Variants in AR observed in about 807,000 individuals in gnomAD.
AR encodes the protein androgen receptor.
Under a neutral mutation model 53.9 loss-of-function variants are expected in AR, and 8 were observed. The ratio of observed to expected loss-of-function variants is 0.15; its 90% CI spans 0.09 to 0.27. The LOEUF (loss-of-function observed/expected upper bound fraction) is 0.27, where lower values mean the gene tolerates loss of function less well. Ranked by LOEUF, AR falls within the 10% of genes least tolerant of loss-of-function variation. AR has a pLI of 1.00. For synonymous variants in AR, 359 were observed against 316.4 expected, an observed-to-expected ratio of 1.13 and a Z score of -1.43; for missense variants, 639 against 742.5, an observed-to-expected ratio of 0.86 and a Z score of 1.62.
intron 1 of AR, among the ~76,000 whole-genome samples, chrX:67,618,006 T>C (rs1275459664): frequency 1.8e-5 from 2 of 112,363 alleles, no homozygotes; most frequent in African/African-American, 6.5e-5. Flanking sequence ...TATCTGTGTT[T>C]ATCTAACGAC....
intron 1 of AR, among the ~76,000 whole-genome samples, chrX:67,577,026 G>A (rs1315328577): frequency 1.3e-5 from 1 of 79,667 alleles, no homozygotes; most frequent in Non-Finnish European, 2.4e-5. Context: ...TTTTTTGGAT[G>A]CTCAGAGTTG....
intron 3 of AR, chrX:67,695,346 A>T: frequency 2.7e-6 from 2 of 754,232 alleles, no homozygotes; most frequent in South Asian, 1.4e-4. Flanking sequence ...GTAAACAAGG[A>T]CCAGATTTCT....
intron 1 of AR, among the ~76,000 whole-genome samples, chrX:67,593,630 G>T (rs932450599): frequency 8.9e-6 from 1 of 111,889 alleles, no homozygotes; most frequent in South Asian, 3.7e-4. Flanking sequence ...GATTACAGGC[G>T]TGTGCCAGTA....
rs1343055738 is a variant in AR at position 67,713,754 on chromosome X, T to C, written c.2173+2065T>C. On this transcript the variant is annotated intron_variant, in intron 4 of 7. Coordinates refer to ENST00000374690, the MANE Select transcript of AR (RefSeq NM_000044.6). Reference sequence around the variant, plus strand: ...CAGAATTTGTATGACTTGGGATCACTGGGGCTTTCCTTGGCCCAACCACCA... The same window carrying C: ...CAGAATTTGTATGACTTGGGATCACCGGGGCTTTCCTTGGCCCAACCACCA... Among the ~76,000 whole-genome samples the C allele has an allele frequency of 6.3e-5, 7 of 111,901 alleles. No homozygotes were observed. The Admixed American group carries it at 6.6e-4, about 11-fold the overall frequency.
intron 1 of AR, among the ~76,000 whole-genome samples, chrX:67,560,424 A>G (rs957218733): frequency 9.0e-6 from 1 of 111,617 alleles, no homozygotes; most frequent in Middle Eastern, 4.7e-3. Flanking sequence ...TTTAGCTCCA[A>G]TCTTGTCTGT....
At chrX:67,615,978 T>A (rs1189161344) in intron 1 of AR, among the ~76,000 whole-genome samples, 1 of 111,204 alleles carries the variant, frequency 9.0e-6, no homozygotes, top group East Asian at 2.8e-4. Flanking sequence ...ATAGACAAAT[T>A]ATCTACAACA....
intron 1 of AR, among the ~76,000 whole-genome samples, chrX:67,639,243 G>C (rs1925617367): frequency 8.9e-6 from 1 of 111,925 alleles, no homozygotes; most frequent in African/African-American, 3.2e-5. Context: ...TTTGAAGTCA[G>C]GTAGCATGAT....
intron 3 of AR, chrX:67,694,958 A>T: frequency 1.0e-6 from 1 of 1,002,814 alleles, no homozygotes. Context: ...AGTGGTTACC[A>T]TTCATGTAGT....
At chrX:67,576,539 A>G (rs1441178581) in intron 1 of AR, among the ~76,000 whole-genome samples, 1 of 111,435 alleles carries the variant, frequency 9.0e-6, no homozygotes, top group East Asian at 2.8e-4. Context: ...TGAAAAATTT[A>G]TTTGAAAATA....
chrX:67,560,553 A>G (rs1238173107), intron 1 of AR, among the ~76,000 whole-genome samples: 2 of 111,743 alleles, frequency 1.8e-5, no homozygotes, highest in Non-Finnish European at 3.8e-5. Flanking sequence ...TGTGTAATGC[A>G]TGATTACAAT....
At chrX:67,636,729 A>G (rs1490460733) in intron 1 of AR, among the ~76,000 whole-genome samples, 1 of 111,682 alleles carries the variant, frequency 9.0e-6, no homozygotes, top group African/African-American at 3.3e-5. Context: ...CAGAGCTGCA[A>G]TGTGCCCTTT....
chrX:67,565,342 C>A, intron 1 of AR, among the ~76,000 whole-genome samples: 1 of 111,865 alleles, frequency 8.9e-6, no homozygotes, highest in Middle Eastern at 4.6e-3. Context: ...TGGCAGGAGA[C>A]CTAGTTCTCT....
At chrX:67,570,231 G>A (rs1023102285) in intron 1 of AR, among the ~76,000 whole-genome samples, 2 of 112,072 alleles carry the variant, frequency 1.8e-5, no homozygotes, top group Non-Finnish European at 3.8e-5. Flanking sequence ...CTGTGTAGCT[G>A]TCTATGTATA....
At position 67,730,050 on chromosome X, in the gene AR, G is replaced by C. The variant is rs1376262945; in HGVS notation, c.*6209G>C. 5.8e-6 allele frequency: 1 copy of C among 173,229 alleles called. No homozygotes were observed. The highest frequency in any genetic ancestry group is 1.1e-5 in the Non-Finnish European group (1 of 91,148). The allele number at this position is 173,229 out of a possible 1,213,427, so 14.3% of individuals were successfully genotyped here. On this transcript the variant is annotated 3_prime_UTR_variant, in exon 8 of 8. Coordinates refer to ENST00000374690, the MANE Select transcript of AR (RefSeq NM_000044.6). ...CACCTTTCTGCTTTCCTCTAGACTG[G>C]AACATTGATTAGGGAGTGCCTCAGA...
intron 2 of AR, among the ~76,000 whole-genome samples, chrX:67,672,305 A>G (rs996614828): frequency 4.5e-5 from 5 of 111,085 alleles, no homozygotes; most frequent in African/African-American, 9.8e-5. Flanking sequence ...CAGCCAGTCT[A>G]TAACTTTTGC....
At chrX:67,690,664 A>G (rs925184929) in intron 3 of AR, among the ~76,000 whole-genome samples, 1 of 112,060 alleles carries the variant, frequency 8.9e-6, no homozygotes, top group Non-Finnish European at 1.9e-5. Flanking sequence ...TATGTGCCAG[A>G]CACTCTGCTA....
intron 2 of AR, among the ~76,000 whole-genome samples, chrX:67,659,798 C>A (rs1926787120): frequency 8.9e-6 from 1 of 111,895 alleles, no homozygotes; most frequent in Non-Finnish European, 1.9e-5. Flanking sequence ...GCCACACTGA[C>A]TTCCACAATG....
chrX:67,689,073 C>T (rs1176497990), intron 3 of AR, among the ~76,000 whole-genome samples: 1 of 111,499 alleles, frequency 9.0e-6, no homozygotes, highest in Admixed American at 9.5e-5. Context: ...TCCCTTCTCT[C>T]CTCTGATGCT....
intron 1 of AR, among the ~76,000 whole-genome samples, chrX:67,619,486 G>C (rs1339423576): frequency 9.0e-6 from 1 of 110,740 alleles, no homozygotes; most frequent in Admixed American, 9.6e-5. Context: ...GGTTTTCTAA[G>C]TTGAGTCATT....
Sources: allele counts gnomAD v4.1 joint callset (sites outside exome capture counted in the v4.1 genomes callset), GRCh38; gene constraint gnomAD v4.1.1; transcripts MANE v1.5; gene names NCBI Gene and HGNC (gene_info 2026-07-23, HGNC 2026-07-21).